The following PDE10A variants were observed in gnomAD, a reference collection of about 807,000 sequenced individuals.
PDE10A encodes the protein phosphodiesterase 10A.
Under a neutral mutation model 97.7 loss-of-function variants are expected in PDE10A, and 39 were observed. The observed-to-expected ratio is 0.40, with a 90% CI of 0.31 to 0.52. PDE10A has a LOEUF of 0.52. Ranked by LOEUF, PDE10A falls within the 20% of genes least tolerant of loss-of-function variation. The pLI, the probability that PDE10A is intolerant of heterozygous loss-of-function variation, is 0.56. For missense variants in PDE10A, 731 were observed against 1,047.8 expected (o/e 0.70, Z 4.17); for synonymous variants, 371 against 376.8 (o/e 0.98, Z 0.18).
rs185420445 is a variant in PDE10A at position 165,839,304 on chromosome 6, C to T, written c.-615+148225G>A. 6.6e-5 allele frequency among the ~76,000 whole-genome samples: 10 copies of T among 152,246 alleles called. No homozygotes were observed. In the East Asian group the frequency reaches 9.6e-4, roughly 15 times the overall value. ...TACAGCTGCACAATAAATTATAAAG[C>T]GATTCCTTAAGAACTATCATATTTA... On this transcript the variant is annotated intron_variant, in intron 1 of 19. Transcript: ENST00000366882.
chr6:165,937,615 A>C (rs1783378527), intron 1 of PDE10A, among the ~76,000 whole-genome samples: 1 of 152,246 alleles, frequency 6.6e-6, no homozygotes, highest in Non-Finnish European at 1.5e-5. Flanking sequence ...CTTGGCACAT[A>C]GTAGGACTGA....
Position 165,714,889 on chromosome 6 carries a change from C to A in PDE10A, c.-614-171321G>T, listed in dbSNP as rs369061524. ...CTGGGGACAATGGTCTGAGGCTCCA[C>A]CACTGGGGAGCACCCCCTTCCCCAG... On this transcript the variant is annotated intron_variant, in intron 1 of 19. Coordinates refer to the PDE10A transcript ENST00000366882. 2.0e-5 allele frequency among the ~76,000 whole-genome samples: 3 copies of A among 152,292 alleles called. No individual in the cohort carries two copies. The East Asian group carries it at 5.8e-4, about 29-fold the overall frequency.
intron 1 of PDE10A, among the ~76,000 whole-genome samples, chr6:165,878,914 G>A (rs1055919188): frequency 9.2e-5 from 14 of 152,224 alleles, no homozygotes; most frequent in Admixed American, 6.5e-5. Context: ...GGAACCACCA[G>A]AAGGAAGATG....
intron 1 of PDE10A, among the ~76,000 whole-genome samples, chr6:165,953,841 A>G (rs1283342703): frequency 6.6e-6 from 1 of 152,218 alleles, no homozygotes; most frequent in African/African-American, 2.4e-5. Flanking sequence ...CCAAGTACAT[A>G]GTGACCTGTA....
At chr6:165,687,909 A>G (rs1013016718) in intron 1 of PDE10A, among the ~76,000 whole-genome samples, 2 of 152,218 alleles carry the variant, frequency 1.3e-5, no homozygotes, top group African/African-American at 4.8e-5. Flanking sequence ...TGGAAGCTTG[A>G]GCACGCAGAG....
At chr6:165,685,319 C>A (rs746618732) in intron 1 of PDE10A, among the ~76,000 whole-genome samples, 10 of 151,966 alleles carry the variant, frequency 6.6e-5, no homozygotes, top group Non-Finnish European at 1.5e-4. Context: ...TAAAACAGAT[C>A]AAAATGGTGG....
chr6:165,362,045 T>C (rs1328188330), intron 18 of PDE10A, among the ~76,000 whole-genome samples: 4 of 152,174 alleles, frequency 2.6e-5, no homozygotes, highest in Non-Finnish European at 5.9e-5. Context: ...AGTTAAACAG[T>C]AGTTAGAGGA....
chr6:165,587,373 G>T (rs534895369), intron 1 of PDE10A, among the ~76,000 whole-genome samples: 1 of 152,134 alleles, frequency 6.6e-6, no homozygotes, highest in Non-Finnish European at 1.5e-5. Flanking sequence ...AATTTAATAC[G>T]TGTCTCATGC....
intron 1 of PDE10A, among the ~76,000 whole-genome samples, chr6:165,813,746 G>T (rs552171162): frequency 2.7e-5 from 4 of 150,852 alleles, no homozygotes; most frequent in African/African-American, 9.7e-5. Flanking sequence ...CCTAAGAGAA[G>T]ATAAATCCAA....
intron 1 of PDE10A, among the ~76,000 whole-genome samples, chr6:165,617,798 C>T (rs935222556): frequency 1.2e-4 from 18 of 152,100 alleles, no homozygotes; most frequent in African/African-American, 4.1e-4. Context: ...GCAGGGTAAA[C>T]CCAACTGACC....
At chr6:165,599,039 A>C (rs2128393268) in intron 1 of PDE10A, among the ~76,000 whole-genome samples, 1 of 152,326 alleles carries the variant, frequency 6.6e-6, no homozygotes, top group South Asian at 2.1e-4. Context: ...ATCAGCCTTA[A>C]CTGTAAGCTA....
chr6:165,338,447 C>G (rs980109924), intron 20 of PDE10A, among the ~76,000 whole-genome samples: 1 of 152,088 alleles, frequency 6.6e-6, no homozygotes, highest in Non-Finnish European at 1.5e-5. Flanking sequence ...TATATGACAC[C>G]ACACATACAC....
Position 165,662,931 on chromosome 6 carries a change from C to G in PDE10A, c.-120G>C, listed in dbSNP as rs980559263. The stretch of plus-strand genomic sequence containing the variant: ...CCCTGCCGGCCGCCCGAACCGCTGC[C>G]TGGTCCTCCTCTCCGGTCTTCGGCT... On this transcript the variant is annotated 5_prime_UTR_variant, in exon 1 of 22. Transcript: ENST00000539869. 4.0e-5 allele frequency among the ~76,000 whole-genome samples: 6 copies of G among 151,354 alleles called. No individual in the cohort carries two copies. Among genetic ancestry groups the G allele is most frequent in the Admixed American group, 3.9e-4 (6 of 15,260 alleles).
intron 2 of PDE10A, among the ~76,000 whole-genome samples, chr6:165,496,619 T>C (rs1780552595): frequency 6.6e-6 from 1 of 152,238 alleles, no homozygotes; most frequent in African/African-American, 2.4e-5. Context: ...CGTGAAGGAC[T>C]TAACTTCTTA....
chr6:165,682,721 C>G (rs914999911), intron 1 of PDE10A, among the ~76,000 whole-genome samples: 1 of 152,188 alleles, frequency 6.6e-6, no homozygotes, highest in Admixed American at 6.5e-5. Context: ...TTGTTTATAA[C>G]TCGCCAAGTT....
chr6:165,476,253 G>C (rs892445580), intron 3 of PDE10A, among the ~76,000 whole-genome samples: 2 of 151,948 alleles, frequency 1.3e-5, no homozygotes, highest in African/African-American at 2.4e-5. Context: ...GTGTGAGACG[G>C]AAGATATGCA....
intron 18 of PDE10A, among the ~76,000 whole-genome samples, chr6:165,373,724 T>G (rs1334794763): frequency 6.6e-6 from 1 of 152,116 alleles, no homozygotes; most frequent in Admixed American, 6.6e-5. Context: ...AGCCATCCCA[T>G]TACTGGGTAT....
At chr6:165,875,588 C>T (rs1781310516) in intron 1 of PDE10A, among the ~76,000 whole-genome samples, 1 of 152,166 alleles carries the variant, frequency 6.6e-6, no homozygotes, top group Non-Finnish European at 1.5e-5. Flanking sequence ...ACATTCAAGT[C>T]CAGAACTGGC....
chr6:165,707,696 A>T (rs979221892), intron 1 of PDE10A, among the ~76,000 whole-genome samples: 1 of 151,148 alleles, frequency 6.6e-6, no homozygotes, highest in African/African-American at 2.4e-5. Context: ...CATGTGTGTG[A>T]GTGTGTGAGA....
Sources: allele counts gnomAD v4.1 joint callset (sites outside exome capture counted in the v4.1 genomes callset), GRCh38; gene constraint gnomAD v4.1.1; transcripts MANE v1.5; gene names NCBI Gene and HGNC (gene_info 2026-07-23, HGNC 2026-07-21).